The following SRL variants were observed in gnomAD, a reference collection of about 807,000 sequenced individuals.
SRL encodes the protein sarcalumenin.
In SRL, 23 loss-of-function variants were observed where a neutral mutation model predicts 39.5. That is an observed-to-expected ratio of 0.58 (90% CI 0.42 to 0.82). The LOEUF is 0.82. Ranked by LOEUF, SRL falls within the 40% of genes least tolerant of loss-of-function variation. SRL has a pLI of 0.00. For missense variants in SRL, 592 were observed against 607.8 expected, an observed-to-expected ratio of 0.97 and a Z score of 0.27; for synonymous variants, 272 against 237.4, an observed-to-expected ratio of 1.15 and a Z score of -1.34.
At chr16:4,230,206 G>C (rs113956349) in intron 1 of SRL, among the ~76,000 whole-genome samples, 3 of 152,058 alleles carry the variant, frequency 2.0e-5, no homozygotes, top group Non-Finnish European at 2.9e-5. Context: ...ACACTTGCCC[G>C]GGTGTGTCTG....
intron 1 of SRL, among the ~76,000 whole-genome samples, chr16:4,214,686 C>A (rs560800907): frequency 6.6e-6 from 1 of 152,158 alleles, no homozygotes; most frequent in Non-Finnish European, 1.5e-5. Context: ...AAACGTGGGC[C>A]AGCAGCCTCT....
At chr16:4,228,384 C>T (rs531168543) in intron 1 of SRL, among the ~76,000 whole-genome samples, 8 of 152,030 alleles carry the variant, frequency 5.3e-5, no homozygotes, top group African/African-American at 1.4e-4. Flanking sequence ...TGCAGTGAGC[C>T]GAGATTGCAC....
At chr16:4,237,295 T>C (rs1043211353) in intron 1 of SRL, among the ~76,000 whole-genome samples, 1 of 152,164 alleles carries the variant, frequency 6.6e-6, no homozygotes, top group Non-Finnish European at 1.5e-5. Flanking sequence ...TCTATTTTTC[T>C]GGCAAGATCA....
intron 2 of SRL, 73 bp from the exon 3 acceptor site, chr16:4,203,334 C>A: frequency 7.8e-7 from 1 of 1,274,638 alleles, no homozygotes; most frequent in Non-Finnish European, 1.1e-6. Context: ...TGTGGAGGGG[C>A]CTCACCACCC....
At chr16:4,197,272 G>C (rs1189783430) in intron 4 of SRL, among the ~76,000 whole-genome samples, 3 of 151,302 alleles carry the variant, frequency 2.0e-5, no homozygotes, top group Non-Finnish European at 4.4e-5. Flanking sequence ...GTTTCACCAT[G>C]TTGGCCAGGC....
In SRL at chr16:4,238,098, G is replaced by A. The variant is rs535614011; in HGVS notation, c.61+3909C>T. 2.6e-5 allele frequency among the ~76,000 whole-genome samples: 4 copies of A among 152,220 alleles called. No homozygotes were observed. The East Asian group carries it at 7.7e-4, about 29-fold the overall frequency. On this transcript the variant is annotated intron_variant, in intron 1 of 5. Coordinates refer to ENST00000399609, the MANE Select transcript of SRL (RefSeq NM_001098814.2). ...GATGGGTTCACGAATGATGGAACAC[G>A]TTGAGGTGTTTGAATGACAGGGTTG...
At position 4,203,237 on chromosome 16, in the gene SRL, A is replaced by G. The variant is rs759975469; in HGVS notation, c.188T>C (p.Ile63Thr). ...CAGAGGCTTGATGGATGAGTGGTAG[A>G]TCTTCCGAAGCCGCTGCAGCACCGC... Reference protein sequence around the residue: ...YSAVLQRLRKIYHSSIKPLEQ... With the variant: ...YSAVLQRLRKTYHSSIKPLEQ... The change falls in exon 3 of 6, where the codon ATC becomes ACC. Residue 63 changes from isoleucine (I) to threonine (T), a missense_variant. By Grantham distance (89) the Ile-to-Thr change is moderately conservative (BLOSUM62 -1). Transcript: ENST00000399609. 1.2e-6 allele frequency: 2 copies of G among 1,614,120 alleles called. No homozygotes were observed. The highest frequency in any genetic ancestry group is 1.7e-5 in the Admixed American group (1 of 60,002).
chr16:4,203,306 TC>T, intron 2 of SRL, 45 bp from the exon 3 acceptor site: 1 of 1,535,464 alleles, frequency 6.5e-7, no homozygotes, highest in Non-Finnish European at 9.0e-7. Context: ...GCAGGTGCGA[TC>T]CAGGCAGCTC....
intron 1 of SRL, among the ~76,000 whole-genome samples, chr16:4,237,707 C>G (rs1020977917): frequency 6.6e-6 from 1 of 152,180 alleles, no homozygotes; most frequent in African/African-American, 2.4e-5. Context: ...CTCACCAGAG[C>G]CCCGTTGCTC....
chr16:4,235,532 T>G (rs1352106209), intron 1 of SRL, among the ~76,000 whole-genome samples: 1 of 151,856 alleles, frequency 6.6e-6, no homozygotes, highest in East Asian at 2.0e-4. Flanking sequence ...AGTGAGACCA[T>G]GTATCTACAA....
chr16:4,229,310 G>C (rs867277721), intron 1 of SRL, among the ~76,000 whole-genome samples: 2 of 152,176 alleles, frequency 1.3e-5, no homozygotes, highest in Non-Finnish European at 2.9e-5. Flanking sequence ...CAAGCGTGGT[G>C]GTGGGGACCT....
intron 4 of SRL, among the ~76,000 whole-genome samples, chr16:4,196,452 C>G (rs1013629772): frequency 6.6e-6 from 1 of 150,808 alleles, no homozygotes; most frequent in African/African-American, 2.4e-5. Flanking sequence ...TCTGGCGTCT[C>G]TCTCTCTGAT....
intron 1 of SRL, among the ~76,000 whole-genome samples, chr16:4,227,394 TG>T (rs551164652): frequency 6.4e-4 from 97 of 150,954 alleles, no homozygotes; most frequent in Non-Finnish European, 9.4e-4. Context: ...GATAGATGAA[TG>T]GAGAGATTGA....
At chr16:4,210,216 T>G (rs1347711821) in intron 1 of SRL, among the ~76,000 whole-genome samples, 1 of 152,136 alleles carries the variant, frequency 6.6e-6, no homozygotes, top group Non-Finnish European at 1.5e-5. Flanking sequence ...CCTACATACC[T>G]GTAAGTCCTG....
chr16:4,189,474 C>T lies in SRL; in HGVS notation c.*2679G>A, dbSNP rs1185341842. The T allele has an allele frequency of 6.6e-6, 1 of 152,190 alleles. No individual in the cohort carries two copies. The highest frequency in any genetic ancestry group is 1.5e-5 in the Non-Finnish European group (1 of 68,048). The allele number at this position is 152,190 out of a possible 1,614,324, so 9.4% of individuals were successfully genotyped here. The stretch of plus-strand genomic sequence containing the variant: ...CCAGGCACAGATCCTTCCAGACACT[C>T]CTCTTGGGGGAATCTCTGGATCATT... On this transcript the variant is annotated 3_prime_UTR_variant, in exon 6 of 6. Transcript: ENST00000399609.
Position 4,192,179 on chromosome 16 carries a change from G to A in SRL, c.1396C>T (p.Pro466Ser), listed in dbSNP as rs1197543530. ...TAGTGCTTCCTGTAGCGATTTTTTG[G>A]TGTTTCGCTACACCCTGTTTTGTCA... ...NCDKTGCSET[P>S]KNRYRKH Residue 466 changes from proline (P) to serine (S), a missense_variant, in exon 6 of 6, where the codon CCA becomes TCA. Transcript: ENST00000399609. The surrounding 1 kb of genome is among the most constrained non-coding windows in gnomAD (Gnocchi z 4.0). 7 of 1,556,376 alleles carry A rather than the reference G, an allele frequency of 4.5e-6. No homozygotes were observed. The highest frequency in any genetic ancestry group is 6.1e-6 in the Non-Finnish European group (7 of 1,155,734).
At chr16:4,203,832 C>T (rs1031141762) in intron 2 of SRL, among the ~76,000 whole-genome samples, 4 of 152,226 alleles carry the variant, frequency 2.6e-5, no homozygotes, top group African/African-American at 9.6e-5. Flanking sequence ...TGTGTGCTCC[C>T]TGAGGCTTAG....
At position 4,190,285 on chromosome 16, in the gene SRL, C is replaced by T. The variant is rs2052045507; in HGVS notation, c.*1868G>A. The T allele has an allele frequency of 5.0e-6, 2 of 399,012 alleles. No individual in the cohort carries two copies. Among genetic ancestry groups the T allele is most frequent in the Non-Finnish European group, 8.8e-6 (2 of 226,440 alleles). 24.7% of individuals were successfully genotyped at this position (399,012 alleles called of 1,614,324 possible). ...CCAACTGGCTTACCCTGCCTGACCT[C>T]AGAGTGCCTCTCCCTCTGCCTGCCT... is the stretch of plus-strand genomic sequence containing the variant. On this transcript the variant is annotated 3_prime_UTR_variant, in exon 6 of 6. Coordinates refer to ENST00000399609, the MANE Select transcript of SRL (RefSeq NM_001098814.2).
At chr16:4,234,847 G>A (rs1362968420) in intron 1 of SRL, among the ~76,000 whole-genome samples, 1 of 152,204 alleles carries the variant, frequency 6.6e-6, no homozygotes, top group Non-Finnish European at 1.5e-5. Flanking sequence ...GCTCAGAACC[G>A]GTGAACTATT....
Sources: gnomAD v4.1 joint callset for allele counts (sites outside exome capture counted in the v4.1 genomes callset) on GRCh38, gnomAD v4.1.1 for gene constraint, Gnocchi (gnomAD v3.1) non-coding constraint, MANE v1.5 for transcripts, NCBI Gene and HGNC (gene_info 2026-07-23, HGNC 2026-07-21) for gene names.